CSTPP1: variants seen among roughly 807,000 people sequenced by gnomAD.
CSTPP1 encodes centriolar satellite-associated tubulin polyglutamylase complex regulator 1.
the CSTPP1 span, among the ~76,000 whole-genome samples, chr11:47,083,130 C>T: frequency 1.3e-5 from 2 of 151,730 alleles, no homozygotes; most frequent in Admixed American, 6.6e-5. Flanking sequence ...TGAGAACATG[C>T]GGTGTTTGTT....
At chr11:47,138,186 G>C in the CSTPP1 span, 2 of 172,054 alleles carry the variant, frequency 1.2e-5, no homozygotes, top group Admixed American at 6.0e-5. Context: ...GAAGGCAAAG[G>C]GGAAGCAAGG....
the CSTPP1 span, among the ~76,000 whole-genome samples, chr11:46,986,644 T>A: frequency 6.6e-6 from 1 of 152,036 alleles, no homozygotes; most frequent in Non-Finnish European, 1.5e-5. Flanking sequence ...AATTTTTGTA[T>A]TATTGGTAGA....
chr11:47,106,746 G>A, the CSTPP1 span, among the ~76,000 whole-genome samples: 1 of 152,188 alleles, frequency 6.6e-6, no homozygotes, highest in African/African-American at 2.4e-5. Context: ...TGTTTCCACA[G>A]AATGGTACCC....
At chr11:47,018,040 C>T in the CSTPP1 span, among the ~76,000 whole-genome samples, 1 of 152,120 alleles carries the variant, frequency 6.6e-6, no homozygotes, top group African/African-American at 2.4e-5. Flanking sequence ...TGAGATTCCT[C>T]CAGGTTGTGG....
chr11:47,116,656 C>A, the CSTPP1 span, among the ~76,000 whole-genome samples: 1 of 125,840 alleles, frequency 7.9e-6, no homozygotes, highest in African/African-American at 2.9e-5. Flanking sequence ...CTTTTTTTTG[C>A]TTTCCATTTG....
chr11:46,991,220 T>G, the CSTPP1 span, among the ~76,000 whole-genome samples: 1 of 150,800 alleles, frequency 6.6e-6, no homozygotes, highest in Non-Finnish European at 1.5e-5. Flanking sequence ...TTTTCCTTTC[T>G]GTTCTCCAGA....
the CSTPP1 span, chr11:47,052,018 A>G: frequency 6.4e-6 from 1 of 155,106 alleles, no homozygotes; most frequent in Non-Finnish European, 1.4e-5. Context: ...AAGGAAACCT[A>G]ATTCCAAATG....
the CSTPP1 span, among the ~76,000 whole-genome samples, chr11:47,030,891 A>G: frequency 2.0e-5 from 3 of 152,178 alleles, no homozygotes; most frequent in African/African-American, 7.2e-5. Flanking sequence ...CATAGTGTGT[A>G]TGTACCACAT....
the CSTPP1 span, among the ~76,000 whole-genome samples, chr11:47,098,830 G>A: frequency 3.3e-5 from 5 of 151,878 alleles, no homozygotes; most frequent in Non-Finnish European, 7.4e-5. Flanking sequence ...CCACTTTCAC[G>A]GTCTGTGTAA....
the CSTPP1 span, among the ~76,000 whole-genome samples, chr11:47,016,532 T>C: frequency 6.6e-6 from 1 of 152,094 alleles, no homozygotes; most frequent in Admixed American, 6.5e-5. Flanking sequence ...AAAAGCAGTG[T>C]CATTTACAAT....
chr11:47,149,121 G>A, the CSTPP1 span, among the ~76,000 whole-genome samples: 2 of 152,220 alleles, frequency 1.3e-5, no homozygotes, highest in African/African-American at 2.4e-5. Flanking sequence ...CTCCACTCCA[G>A]TTGCCTGTCC....
the CSTPP1 span, among the ~76,000 whole-genome samples, chr11:46,965,508 AGCCACC>A: frequency 6.6e-6 from 1 of 152,196 alleles, no homozygotes; most frequent in African/African-American, 2.4e-5. Context: ...TACAGGCATG[AGCCACC>A]GTGCCTGGCC....
At chr11:47,124,384 A>C in the CSTPP1 span, among the ~76,000 whole-genome samples, 1 of 151,894 alleles carries the variant, frequency 6.6e-6, no homozygotes, top group African/African-American at 2.4e-5. Flanking sequence ...AGACTCCCAA[A>C]GTGCTGGGGC....
At chr11:46,938,211 C>T in the CSTPP1 span, among the ~76,000 whole-genome samples, 2 of 151,884 alleles carry the variant, frequency 1.3e-5, no homozygotes, top group Non-Finnish European at 2.9e-5. Flanking sequence ...GCAGATAGTA[C>T]GGCGAGTTCC....
At chr11:46,950,328 C>G in the CSTPP1 span, among the ~76,000 whole-genome samples, 50 of 151,722 alleles carry the variant, frequency 3.3e-4, no homozygotes, top group African/African-American at 1.2e-3. Flanking sequence ...CGCCCGCCAC[C>G]TCGCCCAGCT....
At chr11:47,121,968 G>C in the CSTPP1 span, among the ~76,000 whole-genome samples, 1 of 147,660 alleles carries the variant, frequency 6.8e-6, no homozygotes, top group African/African-American at 2.5e-5. Context: ...CTACTCTGGA[G>C]ACTGAAGCAG....
At chr11:47,126,347 G>GT in the CSTPP1 span, among the ~76,000 whole-genome samples, 1 of 152,148 alleles carries the variant, frequency 6.6e-6, no homozygotes, top group Non-Finnish European at 1.5e-5. Context: ...CACTGGCCAG[G>GT]TGCGGTAGCT....
At chr11:47,122,091 A>AAAAAAAAAAAAAAAAAT in the CSTPP1 span, among the ~76,000 whole-genome samples, 7 of 31,844 alleles carry the variant, frequency 2.2e-4, no homozygotes, top group Non-Finnish European at 3.2e-4. Flanking sequence ...AAAAAAAAAA[A>AAAAAAAAAAAAAAAAAT]ATATATATAT....
chr11:46,982,963 T>C, the CSTPP1 span, among the ~76,000 whole-genome samples: 3 of 152,172 alleles, frequency 2.0e-5, no homozygotes, highest in East Asian at 3.8e-4. Context: ...AGGTAACTTA[T>C]ATGAAGTTAC....
Sources: allele counts gnomAD v4.1 joint callset (sites outside exome capture counted in the v4.1 genomes callset), GRCh38; gene constraint gnomAD v4.1.1; transcripts MANE v1.5; gene names NCBI Gene and HGNC (gene_info 2026-07-23, HGNC 2026-07-21).